Variants in ZDHHC17 observed in about 807,000 individuals in gnomAD.
ZDHHC17 encodes palmitoyltransferase ZDHHC17.
ZDHHC17 carries 40 observed loss-of-function variants against 90.3 expected under a neutral mutation model. The observed-to-expected ratio is 0.44, with a 90% CI of 0.34 to 0.58. ZDHHC17 has a LOEUF of 0.58. ZDHHC17 is among the 20% of genes least tolerant of loss of function. The pLI, the probability that ZDHHC17 is intolerant of heterozygous loss-of-function variation, is 0.01. For missense variants in ZDHHC17, 614 were observed against 780.8 expected, an observed-to-expected ratio of 0.79 and a Z score of 2.55; for synonymous variants, 235 against 252.4, an observed-to-expected ratio of 0.93 and a Z score of 0.65.
intron 1 of ZDHHC17, among the ~76,000 whole-genome samples, chr12:76,795,723 A>G (rs551568181): frequency 3.3e-5 from 5 of 152,184 alleles, no homozygotes; most frequent in Admixed American, 6.5e-5. Flanking sequence ...AGTCTTATGT[A>G]TTGGCTTGCT....
intron 1 of ZDHHC17, among the ~76,000 whole-genome samples, chr12:76,788,033 TCTGTGCATAGCCACTGTACTCTAGC>T (rs1383830321): frequency 6.6e-6 from 1 of 152,144 alleles, no homozygotes; most frequent in Non-Finnish European, 1.5e-5. Context: ...GATGATCACG[TCTGTGCATAGCCACTGTACTCTAGC>T]CTGGGCAACA....
At chr12:76,814,199 A>C (rs2137767979) in intron 5 of ZDHHC17, among the ~76,000 whole-genome samples, 1 of 152,070 alleles carries the variant, frequency 6.6e-6, no homozygotes, top group East Asian at 1.9e-4. Context: ...AGTCTTGCGC[A>C]AGGAGAATTA....
chr12:76,829,591 C>T (rs12825348), intron 10 of ZDHHC17, among the ~76,000 whole-genome samples: 56,698 of 150,846 alleles, frequency 0.38, 11,292 homozygotes, highest in East Asian at 0.66. Flanking sequence ...ATTTTTCTAA[C>T]TAAGCATATT....
At chr12:76,820,175 A>G (rs985046345) in intron 7 of ZDHHC17, among the ~76,000 whole-genome samples, 1 of 152,064 alleles carries the variant, frequency 6.6e-6, no homozygotes, top group Non-Finnish European at 1.5e-5. Flanking sequence ...GTTGAAAAAA[A>G]GTTACTTGTA....
chr12:76,781,127 C>A (rs1242394617), intron 1 of ZDHHC17, among the ~76,000 whole-genome samples: 1 of 116,606 alleles, frequency 8.6e-6, no homozygotes, highest in Admixed American at 1.1e-4. Flanking sequence ...AAGCGAGACT[C>A]CGTCTCAAAA....
At chr12:76,767,208 G>C (rs1952441360) in intron 1 of ZDHHC17, among the ~76,000 whole-genome samples, 1 of 152,064 alleles carries the variant, frequency 6.6e-6, no homozygotes, top group Non-Finnish European at 1.5e-5. Flanking sequence ...TTTGGTGACT[G>C]ATTTAAAACT....
intron 2 of ZDHHC17, 85 bp downstream of exon 2, chr12:76,797,622 A>G: frequency 9.2e-7 from 1 of 1,084,802 alleles, no homozygotes. Context: ...TTACTTTGGG[A>G]AAAACATCAG....
intron 8 of ZDHHC17, among the ~76,000 whole-genome samples, chr12:76,823,495 A>G (rs1310656870): frequency 6.6e-6 from 1 of 152,230 alleles, no homozygotes; most frequent in African/African-American, 2.4e-5. Flanking sequence ...AAAAGAAGTT[A>G]ATTGCCGTAG....
chr12:76,769,011 A>G, intron 1 of ZDHHC17: 1 of 319,928 alleles, frequency 3.1e-6, no homozygotes, highest in South Asian at 2.4e-5. Context: ...TATTGCTATT[A>G]TCTACTGTCC....
At chr12:76,841,395 A>G (rs961810950) in intron 10 of ZDHHC17, among the ~76,000 whole-genome samples, 3 of 152,046 alleles carry the variant, frequency 2.0e-5, no homozygotes, top group Non-Finnish European at 4.4e-5. Context: ...ACATTGCTGT[A>G]TTTTTTATAG....
intron 12 of ZDHHC17, 103 bp downstream of exon 12, chr12:76,843,084 A>T: frequency 1.2e-6 from 1 of 811,714 alleles, no homozygotes; most frequent in South Asian, 2.2e-5. Flanking sequence ...ATTTTCAATG[A>T]ACACATTCCC....
At chr12:76,801,748 C>A (rs1952894361) in intron 2 of ZDHHC17, among the ~76,000 whole-genome samples, 1 of 152,158 alleles carries the variant, frequency 6.6e-6, no homozygotes, top group Non-Finnish European at 1.5e-5. Context: ...ATAAACTGTG[C>A]TCCTTTACAG....
In ZDHHC17 at chr12:76,797,448, A is replaced by G. The variant is rs780255389; in HGVS notation, c.108A>G (p.Gln36=). 1.2e-6 allele frequency: 2 copies of G among 1,604,166 alleles called. No individual in the cohort carries two copies. The highest frequency in any genetic ancestry group is 1.7e-6 in the Non-Finnish European group (2 of 1,175,676). Residue 36 remains glutamine, a synonymous_variant, in exon 2 of 17, where the codon CAA becomes CAG. Transcript: ENST00000426126. ...CTTTTTAACAGGAAATCAAACCCCAAAGCCATTATAACCATGGATATGGTG... is the reference window on the plus strand; with the variant it reads ...CTTTTTAACAGGAAATCAAACCCCAGAGCCATTATAACCATGGATATGGTG... The part of the protein sequence containing the change: ...PLLHPEEIKP[Q]SHYNHGYGEP...
rs199775041 is a variant in ZDHHC17 at position 76,842,139 on chromosome 12, A to C, written c.1266+33A>C. 1.5e-4 allele frequency: 231 copies of C among 1,530,118 alleles called. 1 individual carries two copies. The African/African-American group carries it at 2.7e-3, about 18-fold the overall frequency. The allele number at this position is 1,530,118 out of a possible 1,614,324, so 94.8% of individuals were successfully genotyped here. ...AATACCAACTAAGTCACTTGTATTT[A>C]ACTGCCAGATTATCAGTATTTACAG... On this transcript the variant is annotated intron_variant, in intron 11 of 16. Coordinates refer to ENST00000426126, the MANE Select transcript of ZDHHC17 (RefSeq NM_015336.4).
chr12:76,788,752 A>G (rs1344077025), intron 1 of ZDHHC17, among the ~76,000 whole-genome samples: 1 of 123,182 alleles, frequency 8.1e-6, no homozygotes, highest in Non-Finnish European at 1.6e-5. Context: ...GCTGGAGTGC[A>G]GTGGCATGAT....
chr12:76,789,347 C>A (rs577553828), intron 1 of ZDHHC17, among the ~76,000 whole-genome samples: 1 of 152,210 alleles, frequency 6.6e-6, no homozygotes, highest in South Asian at 2.1e-4. Flanking sequence ...ATAGGATTCC[C>A]ACCCTGTCAT....
In ZDHHC17 at chr12:76,852,901, A is replaced by G. The variant is rs1953582400; in HGVS notation, c.*1916A>G. The G allele has an allele frequency of 6.6e-6, 1 of 152,656 alleles. No homozygotes were observed. The highest frequency in any genetic ancestry group is 2.1e-4 in the South Asian group (1 of 4,838). The allele number at this position is 152,656 out of a possible 1,614,324, so 9.5% of individuals were successfully genotyped here. ...TTGACTACTAATTGGGGGAAATTTT[A>G]GATAATTTTTAAATTCAAAGTTATT... is the stretch of plus-strand genomic sequence containing the variant. On this transcript the variant is annotated 3_prime_UTR_variant, in exon 17 of 17. Coordinates refer to ENST00000426126, the MANE Select transcript of ZDHHC17 (RefSeq NM_015336.4).
At chr12:76,801,947 A>G (rs114755513) in intron 2 of ZDHHC17, among the ~76,000 whole-genome samples, 2,450 of 152,308 alleles carry the variant, frequency 0.016, 34 homozygotes, top group Middle Eastern at 0.041. Flanking sequence ...TTAATGTATT[A>G]GTCTCTTAAA....
intron 9 of ZDHHC17, among the ~76,000 whole-genome samples, chr12:76,827,444 G>A (rs111722447): frequency 0.015 from 2,317 of 152,150 alleles, 35 homozygotes; most frequent in Non-Finnish European, 0.021. Flanking sequence ...CAAGGAAGAG[G>A]TTTTATTTCT....
Sources: gnomAD v4.1 joint callset for allele counts (sites outside exome capture counted in the v4.1 genomes callset) on GRCh38, gnomAD v4.1.1 for gene constraint, MANE v1.5 for transcripts, NCBI Gene and HGNC (gene_info 2026-07-23, HGNC 2026-07-21) for gene names.